Variants in GNL2 observed in about 807,000 individuals in gnomAD.
The protein encoded by GNL2 is nucleolar GTP-binding protein 2.
Under a neutral mutation model 92.3 loss-of-function variants are expected in GNL2, and 51 were observed. That is an observed-to-expected ratio of 0.55 (90% CI 0.44 to 0.70). GNL2 has a LOEUF of 0.70. GNL2 is among the 30% of genes least tolerant of loss of function. The pLI is 0.00. For missense variants in GNL2, 844 were observed against 895.6 expected (o/e 0.94, Z 0.74); for synonymous variants, 283 against 300.6 (o/e 0.94, Z 0.61).
At chr1:37,578,579 A>G (rs1643715184) in intron 8 of GNL2, among the ~76,000 whole-genome samples, 1 of 151,488 alleles carries the variant, frequency 6.6e-6, no homozygotes, top group South Asian at 2.1e-4. Context: ...TTTTTTTGAA[A>G]CAGGGTCTTC....
intron 11 of GNL2, 84 bp downstream of exon 11, chr1:37,574,581 C>T: frequency 7.1e-7 from 1 of 1,409,828 alleles, no homozygotes; most frequent in Non-Finnish European, 1.0e-6. Context: ...ACTGCTCATA[C>T]ATGCATACCA....
At chr1:37,590,974 G>T in intron 3 of GNL2, 129 bp from the exon 4 acceptor site, 1 of 802,396 alleles carries the variant, frequency 1.2e-6, no homozygotes, top group Non-Finnish European at 1.9e-6. Context: ...ATCCCTTGGA[G>T]CTGTTTTCAA....
At chr1:37,580,368 G>T (rs1474934880) in intron 8 of GNL2, among the ~76,000 whole-genome samples, 1 of 152,182 alleles carries the variant, frequency 6.6e-6, no homozygotes, top group Non-Finnish European at 1.5e-5. Context: ...GAATTCAGAA[G>T]ACAGTGCAGT....
intron 3 of GNL2, 40 bp downstream of exon 3, chr1:37,592,672 A>G (rs774843502): frequency 2.7e-6 from 3 of 1,109,270 alleles, no homozygotes; most frequent in Admixed American, 1.7e-5. Flanking sequence ...TCCACTCAGC[A>G]TATATTTTGT....
At position 37,566,860 on chromosome 1, in the gene GNL2, G is replaced by A; in HGVS notation, c.2191C>T (p.Gln731Ter). ...TAATAAAAACCTTTTAAACATTACT[G>A]CTTTTGTCTGAATTTTTTGCGTTTG... ...KHKRKKFRQK[Q>*] is the part of the protein sequence containing the mutation. Residue 731 changes from glutamine to a stop codon, truncating the protein, a stop_gained, in exon 16 of 16, where the codon CAG becomes TAG. Coordinates refer to ENST00000373062, the MANE Select transcript of GNL2 (RefSeq NM_013285.3). LOFTEE classifies it high-confidence loss of function. 1 of 1,612,688 alleles carries A rather than the reference G, an allele frequency of 6.2e-7. No homozygotes were observed. The highest frequency in any genetic ancestry group is 2.2e-5 in the East Asian group (1 of 44,882).
intron 8 of GNL2, 137 bp downstream of exon 8, chr1:37,582,086 G>T: frequency 1.8e-6 from 1 of 569,012 alleles, no homozygotes; most frequent in South Asian, 2.3e-5. Context: ...TCAGCGTCCT[G>T]AGTAGCTAGG....
At chr1:37,591,787 G>A (rs1432326880) in intron 3 of GNL2, among the ~76,000 whole-genome samples, 1 of 152,152 alleles carries the variant, frequency 6.6e-6, no homozygotes, top group Non-Finnish European at 1.5e-5. Flanking sequence ...GATTACAGGC[G>A]TGAGCCACTG....
intron 8 of GNL2, among the ~76,000 whole-genome samples, chr1:37,580,185 TCAGGAGGCCAAAACGAGG>T (rs1282834113): frequency 1.3e-5 from 2 of 152,068 alleles, no homozygotes; most frequent in Non-Finnish European, 2.9e-5. Context: ...TCCCAGCACT[TCAGGAGGCCAAAACGAGG>T]CAGGAGGATC....
chr1:37,580,482 C>G (rs760456348), intron 8 of GNL2, among the ~76,000 whole-genome samples: 14 of 152,184 alleles, frequency 9.2e-5, no homozygotes, highest in African/African-American at 2.4e-4. Context: ...ATGTTCTTTC[C>G]AAGTATTCCT....
At chr1:37,576,673 G>C (rs1416618443) in intron 8 of GNL2, 117 bp from the exon 9 acceptor site, 1 of 951,724 alleles carries the variant, frequency 1.1e-6, no homozygotes, top group Non-Finnish European at 1.6e-6. Context: ...GATACAACTT[G>C]ATCTGAAGCC....
chr1:37,577,522 G>A (rs573012442), intron 8 of GNL2, among the ~76,000 whole-genome samples: 1 of 152,290 alleles, frequency 6.6e-6, no homozygotes, highest in South Asian at 2.1e-4. Flanking sequence ...ACCAGAGAAT[G>A]AGATGGAGAT....
At position 37,574,809 on chromosome 1, in the gene GNL2, T is replaced by G; in HGVS notation, c.1158A>C (p.Lys386Asn). 1 of 1,610,240 alleles carries G rather than the reference T, an allele frequency of 6.2e-7. No homozygotes were observed. The highest frequency in any genetic ancestry group is 8.5e-7 in the Non-Finnish European group (1 of 1,178,090). ...IVLKGVVQVE[K>N]IKSPEDHIGA... ...CAATGTGGTCTTCAGGACTCTTAAT[T>G]TTTTCTACTTGAACCTAAATGTTAA... The change falls in exon 11 of 16, where the codon AAA becomes AAC. Residue 386 changes from lysine (K) to asparagine (N), a missense_variant. Transcript: ENST00000373062.
chr1:37,573,792 C>T (rs1249789576), intron 12 of GNL2, among the ~76,000 whole-genome samples: 2 of 152,138 alleles, frequency 1.3e-5, no homozygotes, highest in Admixed American at 1.3e-4. Flanking sequence ...TCTCCAAATG[C>T]ACCCCCTAGC....
At chr1:37,581,596 G>C in intron 8 of GNL2, 1 of 447,764 alleles carries the variant, frequency 2.2e-6, no homozygotes, top group South Asian at 1.6e-5. Context: ...CAAAGGCTGA[G>C]CAAGAAAACA....
chr1:37,584,805 G>A (rs927966284), intron 5 of GNL2, among the ~76,000 whole-genome samples: 4 of 151,950 alleles, frequency 2.6e-5, no homozygotes, highest in Non-Finnish European at 5.9e-5. Context: ...TAGAAGAGCT[G>A]GGCACAGTGG....
intron 5 of GNL2, among the ~76,000 whole-genome samples, chr1:37,585,215 C>T (rs1263010385): frequency 2.0e-5 from 3 of 151,804 alleles, no homozygotes; most frequent in Admixed American, 6.6e-5. Flanking sequence ...TGCGCCCCTG[C>T]GTCCAGCTAA....
chr1:37,580,987 T>C (rs1380635572), intron 8 of GNL2, among the ~76,000 whole-genome samples: 1 of 151,922 alleles, frequency 6.6e-6, no homozygotes, highest in Admixed American at 6.6e-5. Context: ...AGCTCTCCTT[T>C]CCAAGTTAAA....
At chr1:37,590,469 A>G (rs1276499468) in intron 4 of GNL2, among the ~76,000 whole-genome samples, 1 of 152,224 alleles carries the variant, frequency 6.6e-6, no homozygotes, top group East Asian at 1.9e-4. Flanking sequence ...GGGCACAGGA[A>G]GGGATAGAGC....
chr1:37,568,319 G>T lies in GNL2; in HGVS notation c.1907C>A (p.Pro636His). 6.2e-7 allele frequency: 1 copy of T among 1,610,420 alleles called. No homozygotes were observed. The highest frequency in any genetic ancestry group is 1.1e-5 in the South Asian group (1 of 90,980). ...TTCCAGTGTTTTTCTTTGTTCTTCAGGTTTTGCAAATATCTTTTCACTCAG... is the reference window on the plus strand; with the variant it reads ...TTCCAGTGTTTTTCTTTGTTCTTCATGTTTTGCAAATATCTTTTCACTCAG... ...KGLSEKIFAK[P>H]EEQRKTLEED... The change falls in exon 14 of 16, where the codon CCT becomes CAT. Residue 636 changes from proline to histidine, a missense_variant. Pro to His is a moderately conservative substitution (Grantham distance 77). Transcript: ENST00000373062.
Sources: allele counts gnomAD v4.1 joint callset (sites outside exome capture counted in the v4.1 genomes callset), GRCh38; gene constraint gnomAD v4.1.1; transcripts MANE v1.5; gene names NCBI Gene and HGNC (gene_info 2026-07-23, HGNC 2026-07-21).